The following NMRK1 variants were observed in gnomAD, a reference collection of about 807,000 sequenced individuals.
NMRK1 encodes nicotinamide riboside kinase 1, also known as NRK 1.
NMRK1 carries 28 observed loss-of-function variants against 29.9 expected under a neutral mutation model. The ratio of observed to expected loss-of-function variants is 0.94; its 90% CI spans 0.69 to 1.28. The LOEUF (loss-of-function observed/expected upper bound fraction) is 1.28. Ranked by LOEUF, NMRK1 falls within the 50% of genes most tolerant of loss-of-function variation. The pLI, the probability that NMRK1 is intolerant of heterozygous loss-of-function variation, is 0.00. For missense variants in NMRK1, 218 were observed against 233.1 expected (o/e 0.94, Z 0.42); for synonymous variants, 58 against 73.0 (o/e 0.79, Z 1.05).
intron 8 of NMRK1, among the ~76,000 whole-genome samples, chr9:75,063,002 T>G (rs10283698): frequency 0.78 from 118,041 of 151,534 alleles, 46,087 homozygotes; most frequent in Admixed American, 0.82. Flanking sequence ...CTGCACTCCA[T>G]CCTGGGCGAC....
chr9:75,077,974 C>G (rs1824101244), intron 2 of NMRK1, among the ~76,000 whole-genome samples: 1 of 152,036 alleles, frequency 6.6e-6, no homozygotes, highest in African/African-American at 2.4e-5. Flanking sequence ...GTATTTAAAG[C>G]AATATTTACT....
intron 8 of NMRK1, among the ~76,000 whole-genome samples, chr9:75,065,980 TG>T (rs1220680496): frequency 6.6e-6 from 1 of 152,184 alleles, no homozygotes; most frequent in Non-Finnish European, 1.5e-5. Context: ...ATCAGGTCAG[TG>T]GAGAGCCTGA....
intron 8 of NMRK1, among the ~76,000 whole-genome samples, chr9:75,062,293 A>G (rs1438831883): frequency 6.6e-6 from 1 of 152,114 alleles, no homozygotes; most frequent in Non-Finnish European, 1.5e-5. Flanking sequence ...ACTGTACCAG[A>G]TAATTATACT....
In NMRK1 at chr9:75,077,533, T is replaced by A. The variant is rs758100988; in HGVS notation, c.77A>T (p.His26Leu). The A allele has an allele frequency of 6.2e-7, 1 of 1,613,400 alleles. No individual in the cohort carries two copies. Among genetic ancestry groups the A allele is most frequent in the Admixed American group, 1.7e-5 (1 of 59,972 alleles). Reference sequence around the variant, plus strand: ...AGATATGACACTGCAATTTGGGAGGTGTTTCTGCAAATTCTTAGCCAGTGT... The same window carrying A: ...AGATATGACACTGCAATTTGGGAGGAGTTTCTGCAAATTCTTAGCCAGTGT... ...KTTLAKNLQK[H>L]LPNCSVISQD... Residue 26 changes from histidine (H) to leucine (L), a missense_variant, in exon 3 of 9, where the codon CAC becomes CTC. Transcript: ENST00000361092.
At chr9:75,077,833 G>A (rs145827338) in intron 2 of NMRK1, among the ~76,000 whole-genome samples, 3,687 of 152,066 alleles carry the variant, frequency 0.024, 52 homozygotes, top group Admixed American at 0.046. Flanking sequence ...ATGGGGTTTC[G>A]CCATGTTAGA....
Position 75,077,524 on chromosome 9 carries a change from T to C in NMRK1, c.86A>G (p.Asn29Ser), listed in dbSNP as rs1365942713. The change falls in exon 3 of 9, where the codon AAT becomes AGT. Residue 29 changes from asparagine (N) to serine (S), a missense_variant. By Grantham distance (46) the Asn-to-Ser change is conservative. Transcript: ENST00000361092. ...LAKNLQKHLP[N>S]CSVISQDDFF... ...ATCATCCTGAGATATGACACTGCAA[T>C]TTGGGAGGTGTTTCTGCAAATTCTT... 2 of 1,613,182 alleles carry C rather than the reference T, an allele frequency of 1.2e-6. No individual in the cohort carries two copies. Among genetic ancestry groups the C allele is most frequent in the East Asian group, 2.2e-5 (1 of 44,882 alleles).
chr9:75,061,626 C>T, intron 8 of NMRK1, 59 bp from the exon 9 acceptor site: 1 of 1,354,364 alleles, frequency 7.4e-7, no homozygotes, highest in Non-Finnish European at 1.0e-6. Flanking sequence ...TTTATTAAAT[C>T]TTTACATCAA....
At chr9:75,069,126 T>C in intron 6 of NMRK1, 24 bp from the exon 7 acceptor site, 2 of 1,494,108 alleles carry the variant, frequency 1.3e-6, no homozygotes, top group Admixed American at 3.5e-5. Context: ...TAGGAAACTT[T>C]ATGTTGACAG....
chr9:75,078,368 T>G (rs1824129250), intron 2 of NMRK1: 2 of 1,572,044 alleles, frequency 1.3e-6, no homozygotes, highest in Non-Finnish European at 1.7e-6. Flanking sequence ...TTTCCCCATC[T>G]CTCTCCACCT....
rs755009548 is a variant in NMRK1, at chr9:75,083,158, T to TAA, written c.-35-10_-35-9dup. 7.2e-7 allele frequency: 1 copy of TAA among 1,381,014 alleles called. No homozygotes were observed. The highest frequency in any genetic ancestry group is 1.2e-5 in the South Asian group (1 of 86,170). The allele number at this position is 1,381,014 out of a possible 1,614,324, so 85.5% of individuals were successfully genotyped here. A position where few individuals can be genotyped will look rare whatever the true frequency, so the allele number is the denominator to read the frequency against. Reference sequence around the variant, plus strand: ...ACAGCTTCCTAATATTTCCTAAAAGTAAAAAAACAAACAAACAAATCAAAT... The same window carrying TAA: ...ACAGCTTCCTAATATTTCCTAAAAGTAAAAAAAAACAAACAAACAAATCAAAT... On this transcript the variant is annotated splice_polypyrimidine_tract_variant and intron_variant, in intron 1 of 8. Transcript: ENST00000361092.
chr9:75,078,342 C>T (rs1286991532), intron 2 of NMRK1: 1 of 1,572,246 alleles, frequency 6.4e-7, no homozygotes, highest in Non-Finnish European at 8.6e-7. Flanking sequence ...ATCACATTTC[C>T]TCTGCGATGC....
At chr9:75,071,498 G>A (rs957709519) in intron 4 of NMRK1, among the ~76,000 whole-genome samples, 1 of 152,170 alleles carries the variant, frequency 6.6e-6, no homozygotes, top group African/African-American at 2.4e-5. Context: ...ATTGGTGTCT[G>A]TTGATTGGTT....
At position 75,069,802 on chromosome 9, in the gene NMRK1, G is replaced by A. The variant is rs377219370; in HGVS notation, c.329C>T (p.Thr110Ile). Reference sequence around the variant, plus strand: ...CAGGAAATAGCTTCTATTCCATATAGTGTCAAGGGGCCTAAAATAACAGCA... The same window carrying A: ...CAGGAAATAGCTTCTATTCCATATAATGTCAAGGGGCCTAAAATAACAGCA... ...FLLFNYKPLD[T>I]IWNRSYFLTI... The change falls in exon 6 of 9, where the codon ACT (threonine) becomes ATT (isoleucine). Residue 110 changes from threonine (T) to isoleucine (I), a missense_variant. Coordinates refer to ENST00000361092, the MANE Select transcript of NMRK1 (RefSeq NM_017881.3). The A allele has an allele frequency of 3.7e-6, 6 of 1,612,536 alleles. No homozygotes were observed. The highest frequency in any genetic ancestry group is 5.1e-6 in the Non-Finnish European group (6 of 1,179,200).
chr9:75,082,919 C>A, intron 2 of NMRK1, 168 bp downstream of exon 2: 2 of 601,510 alleles, frequency 3.3e-6, no homozygotes, highest in African/African-American at 1.9e-5. Context: ...TCTTCCATCT[C>A]TTGTTGGCAT....
chr9:75,074,997 T>C (rs1823909620), intron 4 of NMRK1, among the ~76,000 whole-genome samples: 1 of 152,238 alleles, frequency 6.6e-6, no homozygotes, highest in African/African-American at 2.4e-5. Flanking sequence ...TATACTTCCA[T>C]CTAAAGTATA....
chr9:75,069,407 G>A (rs2118067070), intron 6 of NMRK1: 1 of 469,828 alleles, frequency 2.1e-6, no homozygotes, highest in Non-Finnish European at 3.8e-6. Context: ...CCACTATGTT[G>A]GATTAAGCTT....
chr9:75,064,428 G>A (rs536814737), intron 8 of NMRK1, among the ~76,000 whole-genome samples: 2 of 152,252 alleles, frequency 1.3e-5, no homozygotes, highest in Non-Finnish European at 2.9e-5. Context: ...TATGAAGGCT[G>A]AGCCCCTCCC....
Position 75,061,576 on chromosome 9 carries a change from T to C in NMRK1, c.581-9A>G. On this transcript the variant is annotated splice_polypyrimidine_tract_variant and intron_variant, in intron 8 of 8. Coordinates refer to ENST00000361092, the MANE Select transcript of NMRK1 (RefSeq NM_017881.3). ...TGCTGTCACTTGCAAACCTTGGGAA[T>C]AAACATAAAAAGAAATTAATGGAGA... is the stretch of plus-strand genomic sequence containing the variant. 1.2e-6 allele frequency: 2 copies of C among 1,603,228 alleles called. No homozygotes were observed. The highest frequency in any genetic ancestry group is 2.2e-5 in the South Asian group (2 of 90,288).
intron 8 of NMRK1, among the ~76,000 whole-genome samples, chr9:75,063,791 G>A (rs10869490): frequency 1.5e-4 from 23 of 152,066 alleles, no homozygotes; most frequent in African/African-American, 5.3e-4. Context: ...ACCAGGCTAT[G>A]CTGAGGGTAC....
Sources: allele counts gnomAD v4.1 joint callset (sites outside exome capture counted in the v4.1 genomes callset), GRCh38; gene constraint gnomAD v4.1.1; transcripts MANE v1.5; gene names NCBI Gene and HGNC (gene_info 2026-07-23, HGNC 2026-07-21).